TIAM2: variants seen among roughly 807,000 people sequenced by gnomAD.
The protein encoded by TIAM2 is TIAM Rac1 associated GEF 2.
TIAM2 carries 80 observed loss-of-function variants against 152.9 expected under a neutral mutation model. The observed-to-expected ratio is 0.52, with a 90% confidence interval of 0.44 to 0.63. The LOEUF is 0.63. Ranked by LOEUF, TIAM2 falls within the 30% of genes least tolerant of loss-of-function variation. The pLI, the probability that TIAM2 is intolerant of heterozygous loss-of-function variation, is 0.00. For missense variants in TIAM2, 1,965 were observed against 2,120.1 expected, an observed-to-expected ratio of 0.93 and a Z score of 1.44; for synonymous variants, 804 against 838.0, an observed-to-expected ratio of 0.96 and a Z score of 0.70.
At position 155,129,916 on chromosome 6, in the gene TIAM2, G is replaced by A. The variant is rs148706720; in HGVS notation, c.693G>A (p.Thr231=). 20 of 1,613,730 alleles carry A rather than the reference G, an allele frequency of 1.2e-5. No homozygotes were observed. The highest frequency in any genetic ancestry group is 1.7e-5 in the Admixed American group (1 of 59,998). Residue 231 remains threonine (T), a synonymous_variant, in exon 4 of 27, where the codon ACG becomes ACA. Transcript: ENST00000682666. The surrounding 1 kb of genome is among the most constrained non-coding windows in gnomAD (Gnocchi z 4.8). ...TGCCCAGCCATCGCCCCTCTCCCAC[G>A]GACTCTCGCCTGCGGTCCAGCAAAG... ...DSLPSHRPSP[T]DSRLRSSKGS... is the part of the protein sequence containing the mutation.
intron 1 of TIAM2, among the ~76,000 whole-genome samples, chr6:155,018,583 C>T (rs1778639988): frequency 6.7e-6 from 1 of 150,348 alleles, no homozygotes; most frequent in South Asian, 2.1e-4. Flanking sequence ...TGTGCCACTG[C>T]ACTGCAGCCT....
intron 15 of TIAM2, among the ~76,000 whole-genome samples, chr6:155,217,896 T>A (rs1004921539): frequency 1.3e-5 from 2 of 152,248 alleles, no homozygotes; most frequent in Non-Finnish European, 2.9e-5. Context: ...GAACAAAACT[T>A]GCATTTAGTA....
chr6:155,203,186 GA>G (rs1398322467), intron 14 of TIAM2, among the ~76,000 whole-genome samples: 4 of 151,650 alleles, frequency 2.6e-5, no homozygotes, highest in South Asian at 2.1e-4. Flanking sequence ...TTGAAGAATT[GA>G]AAAAAAGTCT....
In TIAM2 at chr6:155,186,633, G is replaced by A. The variant is rs951087135; in HGVS notation, c.3064+3133G>A. On this transcript the variant is annotated intron_variant, in intron 14 of 26. Coordinates refer to ENST00000682666, the MANE Select transcript of TIAM2 (RefSeq NM_012454.4). The surrounding 1 kb of genome is among the most constrained non-coding windows in gnomAD (Gnocchi z 4.5). ...CTGTCTGTGGCATGTTCAGCCCAGC[G>A]TTTCACTTGGCAGGAATTCTGAAAA... Among the ~76,000 whole-genome samples the A allele has an allele frequency of 3.4e-4, 51 of 152,086 alleles. No individual in the cohort carries two copies. Among genetic ancestry groups the A allele is most frequent in the African/African-American group, 1.2e-3 (49 of 41,392 alleles).
intron 15 of TIAM2, chr6:155,216,819 T>A: frequency 1.0e-6 from 1 of 974,422 alleles, no homozygotes; most frequent in Non-Finnish European, 1.3e-6. Flanking sequence ...CCGGTGCCTT[T>A]CTAGAGCAGG....
At chr6:155,090,136 A>C (rs9384283) in intron 1 of TIAM2, among the ~76,000 whole-genome samples, 153 bp from the exon 2 acceptor site, 10,181 of 152,282 alleles carry the variant, frequency 0.067, 675 homozygotes, top group East Asian at 0.31. Context: ...CTTTATAGTT[A>C]ATCACTTAAC....
intron 1 of TIAM2, among the ~76,000 whole-genome samples, chr6:155,075,515 CA>C (rs1446682776): frequency 1.3e-5 from 2 of 152,068 alleles, no homozygotes; most frequent in African/African-American, 2.4e-5. Context: ...CAAGATTTGA[CA>C]AAAAGAATTA....
At chr6:155,084,725 T>C (rs1778142068) in intron 1 of TIAM2, among the ~76,000 whole-genome samples, 1 of 152,190 alleles carries the variant, frequency 6.6e-6, no homozygotes, top group Admixed American at 6.5e-5. Context: ...AACTTGCTGT[T>C]TTCATTGTAA....
intron 17 of TIAM2, 119 bp downstream of exon 17, chr6:155,244,198 G>A (rs1170951843): frequency 1.0e-6 from 1 of 982,350 alleles, no homozygotes; most frequent in Non-Finnish European, 1.6e-6. Flanking sequence ...AAGACTTAAC[G>A]GTCTTCTGAG....
At chr6:155,117,490 T>C (rs1459161104) in intron 2 of TIAM2, among the ~76,000 whole-genome samples, 8 of 152,236 alleles carry the variant, frequency 5.3e-5, no homozygotes, top group Admixed American at 6.5e-5. Context: ...TCGCCCAGGC[T>C]GGAATGCAGT....
At chr6:155,151,277 T>C (rs1354728403) in intron 7 of TIAM2, among the ~76,000 whole-genome samples, 2 of 152,214 alleles carry the variant, frequency 1.3e-5, no homozygotes, top group African/African-American at 4.8e-5. Flanking sequence ...TGTCTGGTTA[T>C]CTTGAAGGTT....
intron 1 of TIAM2, among the ~76,000 whole-genome samples, chr6:155,083,065 G>T (rs1307130952): frequency 1.3e-5 from 2 of 151,984 alleles, no homozygotes; most frequent in Non-Finnish European, 2.9e-5. Flanking sequence ...AGTAGAGGTG[G>T]GGCCGGGCAC....
chr6:155,248,237 A>T, intron 20 of TIAM2, 58 bp downstream of exon 20: 1 of 1,554,324 alleles, frequency 6.4e-7, no homozygotes, highest in Non-Finnish European at 8.7e-7. Flanking sequence ...AGGGGCTGCC[A>T]GCCGTGCCCT....
In TIAM2 at chr6:155,254,010, G is replaced by T; in HGVS notation, c.4263G>T (p.Thr1421=). ...ENNSIWELIH[T]KSEIEGRPET... ...ATTCCATATGGGAACTGATCCATAC[G>T]AAGTCAGAAATAGAAGGACGGCCAG... The change falls in exon 25 of 27, where the codon ACG becomes ACT. Residue 1421 remains threonine, a synonymous_variant. Transcript: ENST00000682666. 6.2e-7 allele frequency: 1 copy of T among 1,614,090 alleles called. No individual in the cohort carries two copies. The highest frequency in any genetic ancestry group is 8.5e-7 in the Non-Finnish European group (1 of 1,179,976).
At chr6:155,244,902 C>G (rs1783231466) in intron 18 of TIAM2, 119 bp downstream of exon 18, 1 of 1,267,064 alleles carries the variant, frequency 7.9e-7, no homozygotes, top group Non-Finnish European at 1.1e-6. Context: ...TATTTATTGT[C>G]CTGTGACTAT....
At chr6:155,197,122 G>T (rs958553483) in intron 14 of TIAM2, among the ~76,000 whole-genome samples, 16 of 152,256 alleles carry the variant, frequency 1.1e-4, no homozygotes, top group African/African-American at 3.6e-4. Flanking sequence ...CCTTCCAGAA[G>T]TCTCCCAGTG....
At chr6:155,244,332 GA>G (rs1423125473) in intron 17 of TIAM2, among the ~76,000 whole-genome samples, 1 of 152,198 alleles carries the variant, frequency 6.6e-6, no homozygotes, top group African/African-American at 2.4e-5. Flanking sequence ...AGTGTGATCA[GA>G]AATTCCTTTT....
At chr6:155,034,257 T>TG (rs1776880666) in intron 1 of TIAM2, among the ~76,000 whole-genome samples, 1 of 136,246 alleles carries the variant, frequency 7.3e-6, no homozygotes, top group African/African-American at 3.7e-5. Flanking sequence ...TTTTTTTGTT[T>TG]TTGTTTTGTT....
At chr6:155,216,836 C>G in intron 15 of TIAM2, 1 of 1,091,090 alleles carries the variant, frequency 9.2e-7, no homozygotes, top group South Asian at 1.9e-5. Context: ...CAGGCAGGCT[C>G]CCGGCATGGG....
Sources: gnomAD v4.1 joint callset for allele counts (sites outside exome capture counted in the v4.1 genomes callset) on GRCh38, gnomAD v4.1.1 for gene constraint, Gnocchi (gnomAD v3.1) non-coding constraint, MANE v1.5 for transcripts, NCBI Gene and HGNC (gene_info 2026-07-23, HGNC 2026-07-21) for gene names.